GALNT13: variants seen among roughly 807,000 people sequenced by gnomAD.
GALNT13 encodes polypeptide N-acetylgalactosaminyltransferase 13.
GALNT13 carries 28 observed loss-of-function variants against 64.2 expected under a neutral mutation model. That is an observed-to-expected ratio of 0.44 (90% CI 0.32 to 0.60). The LOEUF is 0.60. GALNT13 is among the 20% of genes least tolerant of loss of function. GALNT13 has a pLI of 0.05. For missense variants in GALNT13, 577 were observed against 669.8 expected (o/e 0.86, Z 1.53); for synonymous variants, 214 against 224.6 (o/e 0.95, Z 0.42).
intron 8 of GALNT13, among the ~76,000 whole-genome samples, chr2:154,281,623 G>T (rs1272515620): frequency 4.6e-5 from 7 of 152,066 alleles, no homozygotes; most frequent in Non-Finnish European, 8.8e-5. Context: ...GCTAGGAATG[G>T]GTTTCTGGTT....
At chr2:153,404,558 C>T in the GALNT13 span, among the ~76,000 whole-genome samples, 1 of 151,568 alleles carries the variant, frequency 6.6e-6, no homozygotes, top group Admixed American at 6.6e-5. Flanking sequence ...AAGTATTTCC[C>T]AATTTTCTGC....
At chr2:153,384,477 T>A in the GALNT13 span, among the ~76,000 whole-genome samples, 1 of 152,142 alleles carries the variant, frequency 6.6e-6, no homozygotes, top group South Asian at 2.1e-4. Context: ...AGCAGGAGAC[T>A]GTGGACTGTA....
chr2:153,563,499 A>T, the GALNT13 span, among the ~76,000 whole-genome samples: 1 of 151,782 alleles, frequency 6.6e-6, no homozygotes, highest in Non-Finnish European at 1.5e-5. Context: ...AGTGATATGG[A>T]TTTTCTTATA....
At chr2:153,968,942 A>C (rs1693558257) in intron 3 of GALNT13, among the ~76,000 whole-genome samples, 1 of 136,768 alleles carries the variant, frequency 7.3e-6, no homozygotes. Flanking sequence ...TAAAATCAGA[A>C]ATTCTTTGAG....
chr2:153,092,320 C>T, the GALNT13 span, among the ~76,000 whole-genome samples: 1 of 152,018 alleles, frequency 6.6e-6, no homozygotes, highest in Non-Finnish European at 1.5e-5. Flanking sequence ...CTTGACTATT[C>T]TGGGTCTTTT....
At chr2:153,230,694 TTAAGAATCTA>T in the GALNT13 span, among the ~76,000 whole-genome samples, 4 of 152,198 alleles carry the variant, frequency 2.6e-5, no homozygotes, top group African/African-American at 4.8e-5. Context: ...GTTTTGAAAA[TTAAGAATCTA>T]TATCTTCATC....
At chr2:153,390,684 A>G in the GALNT13 span, among the ~76,000 whole-genome samples, 5 of 152,028 alleles carry the variant, frequency 3.3e-5, no homozygotes, top group Admixed American at 3.3e-4. Context: ...TATTTCTCCC[A>G]ATGACTCCCT....
chr2:153,870,141 C>T (rs756668530), upstream of GALNT13, among the ~76,000 whole-genome samples: 11 of 151,730 alleles, frequency 7.2e-5, no homozygotes, highest in Non-Finnish European at 1.6e-4. Flanking sequence ...TGAGAAATTA[C>T]AGATGTTTAT....
intron 9 of GALNT13, among the ~76,000 whole-genome samples, chr2:154,303,724 G>A (rs901941364): frequency 1.3e-5 from 2 of 151,768 alleles, no homozygotes; most frequent in African/African-American, 4.8e-5. Context: ...GACAAGAGAG[G>A]AAAAGGTCCA....
At chr2:154,056,492 G>C (rs995996653) in intron 3 of GALNT13, among the ~76,000 whole-genome samples, 3 of 152,054 alleles carry the variant, frequency 2.0e-5, no homozygotes, top group Non-Finnish European at 4.4e-5. Flanking sequence ...GCTTTTTATA[G>C]TACTTTGGAA....
chr2:153,351,985 T>C, the GALNT13 span, among the ~76,000 whole-genome samples: 1 of 152,188 alleles, frequency 6.6e-6, no homozygotes, highest in Non-Finnish European at 1.5e-5. Flanking sequence ...AGGAGTGTGA[T>C]TACTGCATCA....
At chr2:153,304,885 G>A in the GALNT13 span, among the ~76,000 whole-genome samples, 1 of 152,164 alleles carries the variant, frequency 6.6e-6, no homozygotes. Flanking sequence ...GGAGAGGGCT[G>A]GAGATAGAAG....
At chr2:153,671,657 A>T in the GALNT13 span, among the ~76,000 whole-genome samples, 1 of 152,190 alleles carries the variant, frequency 6.6e-6, no homozygotes, top group African/African-American at 2.4e-5. Context: ...TAGGCAAAAT[A>T]AACAGCTAGC....
chr2:153,480,915 T>A, the GALNT13 span, among the ~76,000 whole-genome samples: 7 of 152,142 alleles, frequency 4.6e-5, no homozygotes, highest in African/African-American at 1.4e-4. Flanking sequence ...ATGCTAAAAG[T>A]GTTAGTTGAA....
the GALNT13 span, among the ~76,000 whole-genome samples, chr2:153,273,396 T>C: frequency 6.6e-6 from 1 of 152,216 alleles, no homozygotes; most frequent in Admixed American, 6.5e-5. Context: ...GTGCTGCTTC[T>C]TCCTACTTTG....
At chr2:154,158,047 TC>T (rs1208549827) in intron 4 of GALNT13, among the ~76,000 whole-genome samples, 2 of 152,242 alleles carry the variant, frequency 1.3e-5, no homozygotes, top group East Asian at 3.9e-4. Context: ...TGGCAGTCAT[TC>T]CCGTGGTAAT....
At chr2:153,366,000 A>C in the GALNT13 span, among the ~76,000 whole-genome samples, 2 of 152,250 alleles carry the variant, frequency 1.3e-5, no homozygotes, top group African/African-American at 4.8e-5. Context: ...CCAAATGTCC[A>C]TCAGTGATAG....
the GALNT13 span, among the ~76,000 whole-genome samples, chr2:153,539,961 C>A: frequency 2.0e-5 from 3 of 152,136 alleles, no homozygotes; most frequent in African/African-American, 7.2e-5. Context: ...AAAAGAAAAA[C>A]CCATTTTCTG....
chr2:153,592,221 C>T, the GALNT13 span, among the ~76,000 whole-genome samples: 2 of 152,066 alleles, frequency 1.3e-5, no homozygotes, highest in African/African-American at 4.8e-5. Context: ...AGGGAACTCT[C>T]ATATATTGTT....
Sources: gnomAD v4.1 joint callset for allele counts (sites outside exome capture counted in the v4.1 genomes callset) on GRCh38, gnomAD v4.1.1 for gene constraint, MANE v1.5 for transcripts, NCBI Gene and HGNC (gene_info 2026-07-23, HGNC 2026-07-21) for gene names.